Variants in B3GAT1 observed in about 807,000 individuals in gnomAD.
The protein encoded by B3GAT1 is galactosylgalactosylxylosylprotein 3-beta-glucuronosyltransferase 1.
Under a neutral mutation model 28.4 loss-of-function variants are expected in B3GAT1, and 11 were observed. That is an observed-to-expected ratio of 0.39 (90% CI 0.24 to 0.64). The LOEUF (loss-of-function observed/expected upper bound fraction) is 0.64, where lower values mean the gene tolerates loss of function less well. Among genes scored for constraint, B3GAT1 ranks in the 30% least tolerant of loss-of-function variants. B3GAT1 has a pLI of 0.50. For missense variants in B3GAT1, 375 were observed against 491.0 expected, an observed-to-expected ratio of 0.76 and a Z score of 2.23; for synonymous variants, 255 against 223.1, an observed-to-expected ratio of 1.14 and a Z score of -1.27.
chr11:134,387,561 G>A lies in B3GAT1; in HGVS notation c.99C>T (p.Leu33=), dbSNP rs143437246. 143 of 1,614,016 alleles carry A rather than the reference G, an allele frequency of 8.9e-5. 1 individual carries two copies. The African/African-American group carries it at 1.3e-3, about 14-fold the overall frequency. The change falls in exon 2 of 6, where the codon CTC becomes CTT. Residue 33 remains leucine, a synonymous_variant. Coordinates refer to ENST00000312527, the MANE Select transcript of B3GAT1 (RefSeq NM_054025.3). ...VWHQSTLAPL[L]AVHKDEGSDP... ...GTGCGTGCTCACCCTTATGTACCGC[G>A]AGCAGGGGTGCGAGGGTGCTCTGGT...
intron 1 of B3GAT1, among the ~76,000 whole-genome samples, chr11:134,404,960 G>A (rs564901608): frequency 5.9e-5 from 9 of 152,208 alleles, no homozygotes; most frequent in Admixed American, 1.3e-4. Flanking sequence ...TGCAGTGTGG[G>A]TGCAACTGGC....
intron 1 of B3GAT1, among the ~76,000 whole-genome samples, chr11:134,401,070 T>C (rs1397738560): frequency 6.6e-6 from 1 of 152,150 alleles, no homozygotes; most frequent in African/African-American, 2.4e-5. Context: ...CGAATGGCTA[T>C]TACTAAAAAG....
chr11:134,384,015 G>C lies in B3GAT1; in HGVS notation c.286C>G (p.Pro96Ala). The part of the protein sequence containing the change: ...IHVVTPTYSR[P>A]VQKAELTRMA... ...CGCGTCAGCTCGGCCTTCTGCACCG[G>C]GCGGCTGTAGGTGGGCGTCACCACG... Residue 96 changes from proline (P) to alanine (A), a missense_variant, in exon 3 of 6, where the codon CCG (proline) becomes GCG (alanine). Pro to Ala is a conservative substitution (Grantham distance 27). Transcript: ENST00000312527. 1 of 1,605,344 alleles carries C rather than the reference G, an allele frequency of 6.2e-7. No individual in the cohort carries two copies. The highest frequency in any genetic ancestry group is 8.5e-7 in the Non-Finnish European group (1 of 1,179,092).
intron 2 of B3GAT1, chr11:134,384,669 A>T (rs113531718): frequency 1.3e-5 from 2 of 155,592 alleles, no homozygotes; most frequent in Non-Finnish European, 2.8e-5. Context: ...ACCAGGGCCC[A>T]CTGTGGGCCC....
intron 1 of B3GAT1, among the ~76,000 whole-genome samples, chr11:134,399,444 C>T (rs1431144340): frequency 1.3e-5 from 2 of 152,244 alleles, no homozygotes; most frequent in Non-Finnish European, 2.9e-5. Flanking sequence ...ACACCCACCA[C>T]AGGGCGCCTG....
chr11:134,388,665 A>G (rs1291758563), intron 1 of B3GAT1: 1 of 152,090 alleles, frequency 6.6e-6, no homozygotes, highest in Non-Finnish European at 1.5e-5. Context: ...AGTCATGAGT[A>G]CCCAGTGTTT....
intron 1 of B3GAT1, chr11:134,409,822 T>G (rs1365399975): frequency 2.0e-5 from 3 of 152,608 alleles, no homozygotes; most frequent in African/African-American, 7.2e-5. Flanking sequence ...TCAGTCAGGC[T>G]CTCTCTCGGA....
At chr11:134,382,073 C>T (rs996697509) in intron 4 of B3GAT1, 49 bp from the exon 5 acceptor site, 1 of 1,514,382 alleles carries the variant, frequency 6.6e-7, no homozygotes, top group Non-Finnish European at 9.2e-7. Flanking sequence ...CCTGACCTCA[C>T]TCTGCTGCCT....
chr11:134,399,763 C>G (rs939809974), intron 1 of B3GAT1, among the ~76,000 whole-genome samples: 10 of 152,146 alleles, frequency 6.6e-5, no homozygotes, highest in Admixed American at 5.9e-4. Context: ...AAGGGTCTCT[C>G]GTGATGGGCT....
intron 3 of B3GAT1, 79 bp from the exon 4 acceptor site, chr11:134,383,085 C>T (rs1157653089): frequency 1.4e-6 from 2 of 1,422,836 alleles, no homozygotes; most frequent in African/African-American, 1.4e-5. Context: ...AGGCGACATC[C>T]TTCAGCCACC....
At position 134,382,967 on chromosome 11, in the gene B3GAT1, A is replaced by C. The variant is rs1201524877; in HGVS notation, c.661T>G (p.Phe221Val). Reference sequence around the variant, plus strand: ...GCCTCGTACCGCAGGCCACCCACGAAGGCGACGGGCCACACGGACACCCTC... The same window carrying C: ...GCCTCGTACCGCAGGCCACCCACGACGGCGACGGGCCACACGGACACCCTC... Reference protein sequence around the residue: ...TRRVSVWPVAFVGGLRYEAPR... With the variant: ...TRRVSVWPVAVVGGLRYEAPR... Residue 221 changes from phenylalanine to valine, a missense_variant, in exon 4 of 6, where the codon TTC (phenylalanine) becomes GTC (valine). Physicochemically the swap from Phe to Val is conservative, Grantham distance 50. Transcript: ENST00000312527. The C allele has an allele frequency of 6.3e-7, 1 of 1,596,156 alleles. No individual in the cohort carries two copies. Among genetic ancestry groups the C allele is most frequent in the Non-Finnish European group, 8.5e-7 (1 of 1,171,046 alleles).
chr11:134,407,758 C>T (rs1324477758), intron 1 of B3GAT1, among the ~76,000 whole-genome samples: 1 of 151,278 alleles, frequency 6.6e-6, no homozygotes, highest in East Asian at 1.9e-4. Context: ...AAGCAACCCA[C>T]ATAACCCTTC....
chr11:134,388,317 A>G (rs1944340855), intron 1 of B3GAT1: 1 of 195,552 alleles, frequency 5.1e-6, no homozygotes, highest in South Asian at 1.1e-4. Flanking sequence ...CCTACCTCAT[A>G]AGGTCATTCT....
intron 1 of B3GAT1, chr11:134,392,143 G>A (rs1944422484): frequency 2.0e-5 from 3 of 152,216 alleles, no homozygotes; most frequent in Admixed American, 2.0e-4. Flanking sequence ...GTAGCTCAGT[G>A]GGCACCTAGG....
intron 1 of B3GAT1, chr11:134,409,669 A>C (rs1402751466): frequency 1.3e-5 from 2 of 152,254 alleles, no homozygotes; most frequent in Non-Finnish European, 2.9e-5. Flanking sequence ...AGGTCGATGT[A>C]GGGGAACAGG....
intron 2 of B3GAT1, chr11:134,385,943 C>T (rs1944270965): frequency 6.6e-6 from 1 of 152,292 alleles, no homozygotes; most frequent in Admixed American, 6.5e-5. Context: ...CCTGACGTCT[C>T]CAGCGCTGGA....
intron 2 of B3GAT1, chr11:134,385,031 C>G (rs1944242670): frequency 6.6e-6 from 1 of 152,222 alleles, no homozygotes; most frequent in Non-Finnish European, 1.5e-5. Context: ...TGAGACCCTG[C>G]CCACTTCTGC....
At position 134,392,947 on chromosome 11, in the gene B3GAT1, T is replaced by A. The variant is rs116625260; in HGVS notation, c.-281-5007A>T. On this transcript the variant is annotated intron_variant, in intron 1 of 5. Coordinates refer to ENST00000312527, the MANE Select transcript of B3GAT1 (RefSeq NM_054025.3). ...ACTCAACAAATATTAATTGAGCATC[T>A]GTAGCAGGCAAAGCACTGTGTTGGA... Among the ~76,000 whole-genome samples, 849 of 152,346 alleles carry A rather than the reference T, an allele frequency of 5.6e-3. 12 individuals are homozygous for A. The highest frequency in any genetic ancestry group is 0.019 in the African/African-American group (804 of 41,576).
At position 134,387,723 on chromosome 11, in the gene B3GAT1, C is replaced by G. The variant is rs140143910; in HGVS notation, c.-64G>C. 6.2e-7 allele frequency: 1 copy of G among 1,600,726 alleles called. No homozygotes were observed. Among genetic ancestry groups the G allele is most frequent in the Admixed American group, 1.7e-5 (1 of 57,780 alleles). On this transcript the variant is annotated 5_prime_UTR_variant, in exon 2 of 6. Transcript: ENST00000312527. ...AGTGGCGGTAAGTTCAGGAGAGGGGCGGCCACGGGCGGCGGCAGCACAGGG... is the reference window on the plus strand; with the variant it reads ...AGTGGCGGTAAGTTCAGGAGAGGGGGGGCCACGGGCGGCGGCAGCACAGGG...
Sources: gnomAD v4.1 joint callset for allele counts (sites outside exome capture counted in the v4.1 genomes callset) on GRCh38, gnomAD v4.1.1 for gene constraint, MANE v1.5 for transcripts, NCBI Gene and HGNC (gene_info 2026-07-23, HGNC 2026-07-21) for gene names.